VWA5B1: variants seen among roughly 807,000 people sequenced by gnomAD.
VWA5B1 encodes von Willebrand factor A domain containing 5B1.
Under a neutral mutation model 118.2 loss-of-function variants are expected in VWA5B1, and 115 were observed. That is an observed-to-expected ratio of 0.97 (90% CI 0.84 to 1.14). The LOEUF (loss-of-function observed/expected upper bound fraction) is 1.14, where lower values mean the gene tolerates loss of function less well. Ranked by LOEUF, VWA5B1 falls within the 50% of genes most tolerant of loss-of-function variation. The pLI is 0.00. For missense variants in VWA5B1, 1,596 were observed against 1,603.8 expected, an observed-to-expected ratio of 1.00 and a Z score of 0.08; for synonymous variants, 682 against 658.4, an observed-to-expected ratio of 1.04 and a Z score of -0.55.
intron 7 of VWA5B1, chr1:20,323,106 C>A: frequency 3.0e-6 from 1 of 338,364 alleles, no homozygotes. Flanking sequence ...GACTCACCCC[C>A]ATATCACACA....
At chr1:20,332,286 C>T (rs1239079687) in intron 11 of VWA5B1, among the ~76,000 whole-genome samples, 1 of 151,938 alleles carries the variant, frequency 6.6e-6, no homozygotes, top group African/African-American at 2.4e-5. Flanking sequence ...TTGAGACCAG[C>T]CTGGCCAATT....
chr1:20,340,107 A>G (rs1015659597), intron 14 of VWA5B1, among the ~76,000 whole-genome samples: 1 of 151,320 alleles, frequency 6.6e-6, no homozygotes, highest in African/African-American at 2.4e-5. Flanking sequence ...CTTCAGACCC[A>G]TCTCTGCTCT....
intron 12 of VWA5B1, among the ~76,000 whole-genome samples, chr1:20,335,819 G>A (rs1403566357): frequency 6.6e-6 from 1 of 152,206 alleles, no homozygotes; most frequent in East Asian, 1.9e-4. Context: ...CTGTCTCAGA[G>A]GTGATAGAAG....
intron 15 of VWA5B1, among the ~76,000 whole-genome samples, 179 bp from the exon 16 acceptor site, chr1:20,342,900 C>G (rs1211916065): frequency 6.6e-6 from 1 of 152,192 alleles, no homozygotes; most frequent in Admixed American, 6.5e-5. Flanking sequence ...CCCTTGGGGA[C>G]AAGCCCATGC....
At chr1:20,293,468 C>T (rs772470319) in intron 1 of VWA5B1, among the ~76,000 whole-genome samples, 1 of 152,230 alleles carries the variant, frequency 6.6e-6, no homozygotes, top group East Asian at 1.9e-4. Context: ...CGGTTGTCCT[C>T]TCTGCTAAAT....
intron 3 of VWA5B1, among the ~76,000 whole-genome samples, chr1:20,313,711 C>T (rs1422011564): frequency 1.3e-5 from 2 of 152,168 alleles, no homozygotes; most frequent in African/African-American, 2.4e-5. Context: ...TTAAAATGTT[C>T]GGTGAGCACT....
chr1:20,345,382 T>G, intron 16 of VWA5B1, 74 bp from the exon 17 acceptor site: 1 of 1,546,720 alleles, frequency 6.5e-7, no homozygotes, highest in Admixed American at 2.0e-5. Context: ...GAGCCCCCTT[T>G]TTAGCTTCCA....
Position 20,334,672 on chromosome 1 carries a change from G to T in VWA5B1, c.1759-1631G>T, listed in dbSNP as rs754020809. 2.6e-5 allele frequency among the ~76,000 whole-genome samples: 4 copies of T among 152,084 alleles called. No individual in the cohort carries two copies. In the South Asian group the frequency reaches 8.3e-4, roughly 32 times the overall value. On this transcript the variant is annotated intron_variant, in intron 12 of 21. Transcript: ENST00000289815. Reference sequence around the variant, plus strand: ...CTGAAAATACAAAAATTAGCCAGGCGTGGCGTCAGTCACCTGCAACCCCAG... The same window carrying T: ...CTGAAAATACAAAAATTAGCCAGGCTTGGCGTCAGTCACCTGCAACCCCAG...
At chr1:20,292,541 C>CTG (rs921621396) in intron 1 of VWA5B1, among the ~76,000 whole-genome samples, 7 of 152,262 alleles carry the variant, frequency 4.6e-5, no homozygotes, top group African/African-American at 7.2e-5. Flanking sequence ...GTAAGTGGGT[C>CTG]TGTGTGTGTA....
chr1:20,308,647 G>T (rs2088743783), intron 1 of VWA5B1, among the ~76,000 whole-genome samples: 1 of 152,212 alleles, frequency 6.6e-6, no homozygotes, highest in African/African-American at 2.4e-5. Flanking sequence ...TACTTGGGGA[G>T]ACAGCAGCTC....
Position 20,348,256 on chromosome 1 carries a change from C to T in VWA5B1, c.2776C>T (p.Arg926Cys), listed in dbSNP as rs2090049679. 3.9e-6 allele frequency: 6 copies of T among 1,551,526 alleles called. No homozygotes were observed. In the Admixed American group the frequency reaches 7.8e-5, roughly 20 times the overall value. ...VEYPNSGAAL[R>C]MLGSRALAQQ... ...TGTCTTCCGCGAAGGAGCTGCCCTGCGTATGCTTGGCTCTCGGGCCCTGGC... is the reference window on the plus strand; with the variant it reads ...TGTCTTCCGCGAAGGAGCTGCCCTGTGTATGCTTGGCTCTCGGGCCCTGGC... Residue 926 changes from arginine (R) to cysteine (C), a missense_variant, in exon 18 of 22, where the codon CGT becomes TGT. Coordinates refer to ENST00000289815, the MANE Select transcript of VWA5B1 (RefSeq NM_001039500.3).
At chr1:20,342,007 T>C (rs2089886566) in intron 14 of VWA5B1, among the ~76,000 whole-genome samples, 1 of 151,456 alleles carries the variant, frequency 6.6e-6, no homozygotes, top group South Asian at 2.1e-4. Context: ...AAAAATGAAA[T>C]CCCAAAAATT....
At position 20,356,451 on chromosome 1, in the gene VWA5B1, C is replaced by T. The variant is rs1301090652; in HGVS notation, c.*2188C>T. ...GGGCCTCTTTCTTCCTCTACATAAC[C>T]AGGCTGAACTGGGCTGTCCAGCACC... On this transcript the variant is annotated 3_prime_UTR_variant, in exon 22 of 22. Transcript: ENST00000289815. Among the ~76,000 whole-genome samples the T allele has an allele frequency of 1.3e-5, 2 of 152,140 alleles. No individual in the cohort carries two copies. Among genetic ancestry groups the T allele is most frequent in the South Asian group, 4.1e-4 (2 of 4,830 alleles).
Position 20,317,672 on chromosome 1 carries a change from G to A in VWA5B1, c.706G>A (p.Ala236Thr), listed in dbSNP as rs751639801. 2.8e-5 allele frequency: 44 copies of A among 1,550,758 alleles called. No homozygotes were observed. Among genetic ancestry groups the A allele is most frequent in the African/African-American group, 5.5e-5 (4 of 73,062 alleles). The change falls in exon 5 of 22, where the codon GCA becomes ACA. Residue 236 changes from alanine to threonine, a missense_variant. Physicochemically the swap from Ala to Thr is moderately conservative, Grantham distance 58. Coordinates refer to ENST00000289815, the MANE Select transcript of VWA5B1 (RefSeq NM_001039500.3). ...GGAGATCCGTGGGCCATGTCTGCTC[G>A]CAGGTGAGAGGGAGACATCCAGACG... ...QLEIRGPCLL[A>T]GVESPTHEIR...
At chr1:20,307,907 A>G (rs1368102012) in intron 1 of VWA5B1, among the ~76,000 whole-genome samples, 2 of 151,472 alleles carry the variant, frequency 1.3e-5, no homozygotes, top group Non-Finnish European at 2.9e-5. Context: ...TTTAGGGGGT[A>G]CATATACAGG....
intron 1 of VWA5B1, among the ~76,000 whole-genome samples, chr1:20,291,730 G>A (rs570409241): frequency 3.9e-5 from 6 of 152,192 alleles, no homozygotes; most frequent in African/African-American, 4.8e-5. Flanking sequence ...CAGAGCCACC[G>A]GCCAAGGGCA....
intron 12 of VWA5B1, among the ~76,000 whole-genome samples, chr1:20,333,385 G>A (rs1308432242): frequency 2.6e-5 from 4 of 152,202 alleles, no homozygotes; most frequent in Middle Eastern, 3.2e-3. Context: ...GCTGAGGCAC[G>A]AGAATCACTT....
Position 20,358,856 on chromosome 1 carries a change from T to A in VWA5B1, c.*4593T>A, listed in dbSNP as rs2090274662. On this transcript the variant is annotated 3_prime_UTR_variant, in exon 22 of 22. Coordinates refer to ENST00000289815, the MANE Select transcript of VWA5B1 (RefSeq NM_001039500.3). ...AAAATAACCAGGGCAGGGGTGTGTGTGGCATTTTGCAGCTGGGTAATCTGA... is the reference window on the plus strand; with the variant it reads ...AAAATAACCAGGGCAGGGGTGTGTGAGGCATTTTGCAGCTGGGTAATCTGA... Among the ~76,000 whole-genome samples, 1 of 152,240 alleles carries A rather than the reference T, an allele frequency of 6.6e-6. No individual in the cohort carries two copies. Among genetic ancestry groups the A allele is most frequent in the Non-Finnish European group, 1.5e-5 (1 of 68,046 alleles).
chr1:20,326,655 G>A (rs562964237), intron 8 of VWA5B1, among the ~76,000 whole-genome samples: 2 of 152,086 alleles, frequency 1.3e-5, no homozygotes, highest in Non-Finnish European at 2.9e-5. Flanking sequence ...TAGTAGAGAC[G>A]GTTCAGGCTG....
Sources: allele counts gnomAD v4.1 joint callset (sites outside exome capture counted in the v4.1 genomes callset), GRCh38; gene constraint gnomAD v4.1.1; transcripts MANE v1.5; gene names NCBI Gene and HGNC (gene_info 2026-07-23, HGNC 2026-07-21).